Variants in CAMK4 observed in about 807,000 individuals in gnomAD.
CAMK4 encodes calcium/calmodulin dependent protein kinase IV.
In CAMK4, 22 loss-of-function variants were observed where a neutral mutation model predicts 44.9. The observed-to-expected ratio is 0.49, with a 90% CI of 0.35 to 0.70. The LOEUF (loss-of-function observed/expected upper bound fraction) is 0.70. CAMK4 is among the 30% of genes least tolerant of loss of function. The pLI is 0.01. For missense variants in CAMK4, 498 were observed against 586.8 expected, an observed-to-expected ratio of 0.85 and a Z score of 1.56; for synonymous variants, 218 against 215.4, an observed-to-expected ratio of 1.01 and a Z score of -0.11.
chr5:111,339,040 A>G lies in CAMK4; in HGVS notation c.162-4984A>G, dbSNP rs144985697. ...TAGTGTTGACTCTATAGATTGCTTT[A>G]AGCCATATGCTTTGCCCATGTTTTA... is the stretch of plus-strand genomic sequence containing the variant. On this transcript the variant is annotated intron_variant, in intron 1 of 10. Coordinates refer to ENST00000282356, the MANE Select transcript of CAMK4 (RefSeq NM_001744.6). Among the ~76,000 whole-genome samples, 516 of 151,130 alleles carry G rather than the reference A, an allele frequency of 3.4e-3. 3 individuals carry two copies. The highest frequency in any genetic ancestry group is 0.012 in the African/African-American group (494 of 41,398).
intron 5 of CAMK4, among the ~76,000 whole-genome samples, chr5:111,401,807 G>A (rs745480444): frequency 6.6e-6 from 1 of 152,162 alleles, no homozygotes; most frequent in Non-Finnish European, 1.5e-5. Context: ...AAATGAAGAG[G>A]TTAAAATTAT....
At chr5:111,422,429 C>G (rs1319238956) in intron 5 of CAMK4, among the ~76,000 whole-genome samples, 2 of 152,154 alleles carry the variant, frequency 1.3e-5, no homozygotes, top group African/African-American at 4.8e-5. Flanking sequence ...AGTTGCTCAC[C>G]AGTGAAACCC....
chr5:111,326,916 T>C (rs1402584718), intron 1 of CAMK4, among the ~76,000 whole-genome samples: 7 of 151,992 alleles, frequency 4.6e-5, no homozygotes, highest in Admixed American at 3.3e-4. Context: ...TGATGACTAA[T>C]CGAATTCTCT....
intron 5 of CAMK4, among the ~76,000 whole-genome samples, chr5:111,427,212 C>A (rs527821658): frequency 6.6e-6 from 1 of 152,246 alleles, no homozygotes; most frequent in Non-Finnish European, 1.5e-5. Flanking sequence ...ATTCCAGGCC[C>A]TAGCTCCCAG....
At chr5:111,396,388 G>A (rs1752007867) in intron 5 of CAMK4, among the ~76,000 whole-genome samples, 1 of 151,928 alleles carries the variant, frequency 6.6e-6, no homozygotes, top group Non-Finnish European at 1.5e-5. Context: ...TACCCAAATA[G>A]CCACCCCATT....
At position 111,488,276 on chromosome 5, in the gene CAMK4, A is replaced by G. The variant is rs1755700941; in HGVS notation, c.*3810A>G. The G allele has an allele frequency of 6.6e-6, 1 of 152,208 alleles. No individual in the cohort carries two copies. Among genetic ancestry groups the G allele is most frequent in the African/African-American group, 2.4e-5 (1 of 41,448 alleles). The allele number at this position is 152,208 out of a possible 1,614,324, so 9.4% of individuals were successfully genotyped here. On this transcript the variant is annotated 3_prime_UTR_variant, in exon 11 of 11. Coordinates refer to ENST00000282356, the MANE Select transcript of CAMK4 (RefSeq NM_001744.6). ...GTGATATCATGCCAGTTATCCTCAA[A>G]GTGGGAATATGACCATTAGCTGGCA...
At chr5:111,442,836 T>G (rs890607562) in intron 5 of CAMK4, among the ~76,000 whole-genome samples, 38 of 149,634 alleles carry the variant, frequency 2.5e-4, no homozygotes, top group Middle Eastern at 3.5e-3. Flanking sequence ...TTTAAATATT[T>G]TAATAAGCAA....
chr5:111,449,352 A>G lies in CAMK4; in HGVS notation c.625+149A>G, dbSNP rs865988780. 3 of 510,488 alleles carry G rather than the reference A, an allele frequency of 5.9e-6. No individual in the cohort carries two copies. The South Asian group carries it at 1.0e-4, about 18-fold the overall frequency. The allele number at this position is 510,488 out of a possible 1,614,324, so 31.6% of individuals were successfully genotyped here. On this transcript the variant is annotated intron_variant, in intron 7 of 10. Coordinates refer to ENST00000282356, the MANE Select transcript of CAMK4 (RefSeq NM_001744.6). ...TCTATGAGGAAGGCATACATAAATAATACTCAGATCACTTCTTGTTTTCTA... is the reference window on the plus strand; with the variant it reads ...TCTATGAGGAAGGCATACATAAATAGTACTCAGATCACTTCTTGTTTTCTA...
At chr5:111,249,434 G>A (rs1164244117) in intron 1 of CAMK4, among the ~76,000 whole-genome samples, 1 of 150,640 alleles carries the variant, frequency 6.6e-6, no homozygotes, top group Non-Finnish European at 1.5e-5. Context: ...TATAGTATTT[G>A]AATATAATTA....
chr5:111,428,084 C>G (rs1392551037), intron 5 of CAMK4, among the ~76,000 whole-genome samples: 1 of 152,236 alleles, frequency 6.6e-6, no homozygotes. Flanking sequence ...GAACAAGAGT[C>G]TCTGCCTGGT....
In CAMK4 at chr5:111,490,797, A is replaced by C. The variant is rs888773304; in HGVS notation, c.*6331A>C. On this transcript the variant is annotated 3_prime_UTR_variant, in exon 11 of 11. Transcript: ENST00000282356. Reference sequence around the variant, plus strand: ...AGTAATATTTTAAAAGTCCTCTATAAGCCAAAAGAACGTTGTAACATATCC... The same window carrying C: ...AGTAATATTTTAAAAGTCCTCTATACGCCAAAAGAACGTTGTAACATATCC... 1 of 152,144 alleles carries C rather than the reference A, an allele frequency of 6.6e-6. No homozygotes were observed. The highest frequency in any genetic ancestry group is 1.5e-5 in the Non-Finnish European group (1 of 68,032). 9.4% of individuals were successfully genotyped at this position (152,144 alleles called of 1,614,324 possible).
intron 1 of CAMK4, among the ~76,000 whole-genome samples, chr5:111,243,419 G>T (rs1165451305): frequency 2.6e-5 from 4 of 152,194 alleles, no homozygotes; most frequent in African/African-American, 9.7e-5. Context: ...ACTTAGCAAG[G>T]TTCTTATGAA....
chr5:111,265,628 G>C (rs903072727), intron 1 of CAMK4, among the ~76,000 whole-genome samples: 3 of 152,160 alleles, frequency 2.0e-5, no homozygotes, highest in South Asian at 2.1e-4. Flanking sequence ...ATGCACATGA[G>C]AGTAAGATAT....
intron 5 of CAMK4, among the ~76,000 whole-genome samples, chr5:111,406,534 T>C (rs1384207291): frequency 6.6e-6 from 1 of 152,050 alleles, no homozygotes; most frequent in African/African-American, 2.4e-5. Flanking sequence ...AATTTTTTTC[T>C]TTTTACGCTC....
intron 1 of CAMK4, among the ~76,000 whole-genome samples, chr5:111,270,602 C>T (rs910734937): frequency 4.6e-5 from 7 of 152,170 alleles, no homozygotes; most frequent in East Asian, 1.9e-4. Flanking sequence ...TTTTTTCTTA[C>T]CTATCAGCTT....
At chr5:111,393,647 C>T (rs1006524461) in intron 4 of CAMK4, among the ~76,000 whole-genome samples, 1 of 152,082 alleles carries the variant, frequency 6.6e-6, no homozygotes, top group Non-Finnish European at 1.5e-5. Context: ...CCAAATACCA[C>T]ATGTTCTCAC....
chr5:111,422,020 C>A (rs904242538), intron 5 of CAMK4, among the ~76,000 whole-genome samples: 27 of 152,342 alleles, frequency 1.8e-4, no homozygotes, highest in African/African-American at 6.3e-4. Context: ...CCATGTGGAA[C>A]TGTGAGTCCA....
At chr5:111,405,126 C>A (rs972510546) in intron 5 of CAMK4, among the ~76,000 whole-genome samples, 2 of 152,174 alleles carry the variant, frequency 1.3e-5, no homozygotes, top group Non-Finnish European at 2.9e-5. Flanking sequence ...TAGAGAGAAA[C>A]TGAGTCAGAA....
intron 4 of CAMK4, among the ~76,000 whole-genome samples, chr5:111,386,306 CTT>C (rs1751599901): frequency 1.3e-5 from 2 of 152,240 alleles, no homozygotes; most frequent in South Asian, 4.1e-4. Flanking sequence ...GTTCCTGAAA[CTT>C]TATATTATTT....
Sources: gnomAD v4.1 joint callset for allele counts (sites outside exome capture counted in the v4.1 genomes callset) on GRCh38, gnomAD v4.1.1 for gene constraint, MANE v1.5 for transcripts, NCBI Gene and HGNC (gene_info 2026-07-23, HGNC 2026-07-21) for gene names.